SNPH: variants seen among roughly 807,000 people sequenced by gnomAD.
SNPH encodes syntaphilin.
A neutral mutation model predicts 36.8 loss-of-function variants in SNPH; 10 were observed. The observed-to-expected ratio is 0.27, with a 90% CI of 0.17 to 0.46. SNPH has a LOEUF of 0.46. Among genes scored for constraint, SNPH ranks in the 20% least tolerant of loss-of-function variants. SNPH has a pLI of 1.00. For synonymous variants in SNPH, 281 were observed against 312.2 expected, an observed-to-expected ratio of 0.90 and a Z score of 1.05; for missense variants, 622 against 744.0, an observed-to-expected ratio of 0.84 and a Z score of 1.91.
rs3038999 is a variant in SNPH, at chr20:1,298,804, TTGTGTGTGTG to T, written c.290+1584_290+1593del. On this transcript the variant is annotated intron_variant, in intron 5 of 6. Transcript: ENST00000381867. ...CGTCACAGCGTATTTTTTTTCTAAT[TTGTGTGTGTG>T]TGTGTGTGTGTGTGTGTGTGTGTGT... 8.8e-3 allele frequency among the ~76,000 whole-genome samples: 1,236 copies of T among 141,200 alleles called. 11 individuals carry two copies. The highest frequency in any genetic ancestry group is 0.018 in the African/African-American group (700 of 38,024). 92.6% of individuals were successfully genotyped at this position (141,200 alleles called of 152,430 possible). A position where few individuals can be genotyped will look rare whatever the true frequency, so the allele number is the denominator to read the frequency against.
In SNPH at chr20:1,304,662, G is replaced by C. The variant is rs1368465237; in HGVS notation, c.441-216G>C. 6.6e-6 allele frequency among the ~76,000 whole-genome samples: 1 copy of C among 152,034 alleles called. No individual in the cohort carries two copies. Among genetic ancestry groups the C allele is most frequent in the African/African-American group, 2.4e-5 (1 of 41,366 alleles). On this transcript the variant is annotated intron_variant, in intron 6 of 6. Coordinates refer to ENST00000381867, the MANE Select transcript of SNPH (RefSeq NM_001318234.2). The surrounding 1 kb of genome is among the most constrained non-coding windows in gnomAD (Gnocchi z 4.3). ...ACCTTTCTTCTCTCTCCAGGCAGAGGCTTCTCCTGTCTTCACCCCTCAGCC... is the reference window on the plus strand; with the variant it reads ...ACCTTTCTTCTCTCTCCAGGCAGAGCCTTCTCCTGTCTTCACCCCTCAGCC...
In SNPH at chr20:1,305,447, A is replaced by T; in HGVS notation, c.1010A>T (p.Tyr337Phe). 1 of 1,613,234 alleles carries T rather than the reference A, an allele frequency of 6.2e-7. No homozygotes were observed. The highest frequency in any genetic ancestry group is 1.7e-5 in the Admixed American group (1 of 60,030). Residue 337 changes from tyrosine to phenylalanine, a missense_variant, in exon 7 of 7, where the codon TAT (tyrosine) becomes TTT (phenylalanine). Tyr to Phe is a conservative substitution (Grantham distance 22). This residue lies in a region of SNPH where 379 missense variants were observed against 427.9 expected (regional missense o/e 0.89). Transcript: ENST00000381867. ...CCCCGCTTCCCTGCCAGCAACACCT[A>T]TGAGAAGCTGCTGTGTGGCATGGAG... Reference protein sequence around the residue: ...LGPRFPASNTYEKLLCGMEAG... With the variant: ...LGPRFPASNTFEKLLCGMEAG...
intron 5 of SNPH, among the ~76,000 whole-genome samples, chr20:1,299,814 G>A (rs1159685832): frequency 6.6e-6 from 1 of 152,254 alleles, no homozygotes; most frequent in East Asian, 1.9e-4. Context: ...TGGGCATGCA[G>A]GTGTGAATGG....
At chr20:1,273,020 C>T (rs554902069) in intron 2 of SNPH, among the ~76,000 whole-genome samples, 10 of 152,348 alleles carry the variant, frequency 6.6e-5, no homozygotes, top group African/African-American at 2.4e-4. Flanking sequence ...CAGAAGCCAC[C>T]TTTGAGAAAG....
At position 1,266,627 on chromosome 20, in the gene SNPH, G is replaced by A; in HGVS notation, c.-599-27G>A. Reference sequence around the variant, plus strand: ...TCCCCGCCCGCGCTCACCCGCCCCGGTCTATCTCTTTTTCCTAACCCCGCA... The same window carrying A: ...TCCCCGCCCGCGCTCACCCGCCCCGATCTATCTCTTTTTCCTAACCCCGCA... On this transcript the variant is annotated intron_variant, in intron 1 of 6. Coordinates refer to ENST00000381867, the MANE Select transcript of SNPH (RefSeq NM_001318234.2). The surrounding 1 kb of genome is among the most constrained non-coding windows in gnomAD (Gnocchi z 6.0). The A allele has an allele frequency of 6.7e-7, 1 of 1,482,776 alleles. No individual in the cohort carries two copies. The allele number at this position is 1,482,776 out of a possible 1,614,324, so 91.9% of individuals were successfully genotyped here.
intron 2 of SNPH, among the ~76,000 whole-genome samples, chr20:1,279,468 A>C (rs998078590): frequency 6.6e-6 from 1 of 152,204 alleles, no homozygotes; most frequent in Non-Finnish European, 1.5e-5. Flanking sequence ...TCTGGATATA[A>C]GTTCTTTGTT....
chr20:1,293,730 C>T (rs561421353), intron 2 of SNPH, among the ~76,000 whole-genome samples: 1 of 152,280 alleles, frequency 6.6e-6, no homozygotes, highest in Non-Finnish European at 1.5e-5. Flanking sequence ...CTCTGGGTGC[C>T]CAGGAGACTG....
chr20:1,280,970 C>T (rs1258912218), intron 2 of SNPH, among the ~76,000 whole-genome samples: 1 of 152,192 alleles, frequency 6.6e-6, no homozygotes, highest in African/African-American at 2.4e-5. Context: ...TCACAACTCA[C>T]AGGCCAGAAC....
chr20:1,305,902 C>T lies in SNPH; in HGVS notation c.1465C>T (p.Arg489Cys), dbSNP rs745851902. The T allele has an allele frequency of 4.4e-6, 7 of 1,597,468 alleles. No homozygotes were observed. The highest frequency in any genetic ancestry group is 3.4e-5 in the South Asian group (3 of 89,048). Residue 489 changes from arginine to cysteine, a missense_variant, in exon 7 of 7, where the codon CGC becomes TGC. Arg to Cys is a radical substitution (Grantham distance 180). This residue lies in a region of SNPH where 379 missense variants were observed against 427.9 expected (regional missense o/e 0.89). Coordinates refer to ENST00000381867, the MANE Select transcript of SNPH (RefSeq NM_001318234.2). ...PAVPTVAWLC[R>C]SQRRQGQPIY... The stretch of plus-strand genomic sequence containing the variant: ...CGTGCCCACGGTGGCCTGGCTTTGC[C>T]GCTCCCAGCGGCGCCAGGGCCAGCC...
intron 2 of SNPH, among the ~76,000 whole-genome samples, chr20:1,292,253 T>C (rs1042142430): frequency 2.0e-5 from 3 of 151,924 alleles, no homozygotes; most frequent in Middle Eastern, 3.4e-3. Flanking sequence ...AAAGAAAGAG[T>C]GCAATGTATG....
At chr20:1,286,089 TAAAAAAA>T (rs11475556) in intron 2 of SNPH, among the ~76,000 whole-genome samples, 13 of 100,516 alleles carry the variant, frequency 1.3e-4, no homozygotes, top group African/African-American at 1.5e-4. Context: ...GACTCCATCT[TAAAAAAA>T]AAAAAAAAAA....
chr20:1,296,374 G>A lies in SNPH; in HGVS notation c.135G>A (p.Met45Ile), dbSNP rs1189104456. Reference sequence around the variant, plus strand: ...CCCTTACTCGGACCCACAGCCTCATGGCCATGTCCCTGCCAGGAAGTAGAC... The same window carrying A: ...CCCTTACTCGGACCCACAGCCTCATAGCCATGTCCCTGCCAGGAAGTAGAC... ...IPPLTRTHSL[M>I]AMSLPGSRRT... The change falls in exon 4 of 7, where the codon ATG becomes ATA. Residue 45 changes from methionine to isoleucine, a missense_variant. By Grantham distance (10) the Met-to-Ile change is conservative. This residue lies in a region of SNPH where 187 missense variants were observed against 209.4 expected (regional missense o/e 0.89). Transcript: ENST00000381867. 2 of 1,604,196 alleles carry A rather than the reference G, an allele frequency of 1.2e-6. No homozygotes were observed. The highest frequency in any genetic ancestry group is 1.7e-6 in the Non-Finnish European group (2 of 1,175,506).
At chr20:1,301,369 C>A (rs1277378837) in intron 6 of SNPH, among the ~76,000 whole-genome samples, 1 of 152,190 alleles carries the variant, frequency 6.6e-6, no homozygotes, top group Non-Finnish European at 1.5e-5. Context: ...TTCAGGGCGT[C>A]GATCTCCCAT....
intron 2 of SNPH, among the ~76,000 whole-genome samples, chr20:1,288,850 G>A (rs2088316167): frequency 1.3e-5 from 2 of 152,070 alleles, no homozygotes; most frequent in South Asian, 4.2e-4. Context: ...TTGAAATCCT[G>A]ACCTCAGGTG....
At chr20:1,286,459 T>C (rs574481257) in intron 2 of SNPH, among the ~76,000 whole-genome samples, 2 of 152,268 alleles carry the variant, frequency 1.3e-5, no homozygotes, top group East Asian at 1.9e-4. Flanking sequence ...TGCTGTGAGA[T>C]AGGCTCCTGG....
At position 1,305,903 on chromosome 20, in the gene SNPH, G is replaced by A. The variant is rs567143836; in HGVS notation, c.1466G>A (p.Arg489His). ...PAVPTVAWLC[R>H]SQRRQGQPIY... ...GTGCCCACGGTGGCCTGGCTTTGCC[G>A]CTCCCAGCGGCGCCAGGGCCAGCCC... Residue 489 changes from arginine to histidine, a missense_variant, in exon 7 of 7, where the codon CGC becomes CAC. Arg to His is a conservative substitution (Grantham distance 29, BLOSUM62 0). Transcript: ENST00000381867. 7.5e-5 allele frequency: 120 copies of A among 1,596,352 alleles called. No homozygotes were observed. Among genetic ancestry groups the A allele is most frequent in the East Asian group, 3.4e-4 (15 of 44,128 alleles).
rs116022443 is a variant in SNPH, at chr20:1,294,360, T to C, written c.-492-591T>C. Among the ~76,000 whole-genome samples, 527 of 152,202 alleles carry C rather than the reference T, an allele frequency of 3.5e-3. 6 individuals carry two copies. Among genetic ancestry groups the C allele is most frequent in the African/African-American group, 0.012 (511 of 41,552 alleles). ...CCTAAGCTGTTCCTGGTCAAGATCC[T>C]CCTGTGCCCAGGAGGCAGTGAGCCA... On this transcript the variant is annotated intron_variant, in intron 2 of 6. Coordinates refer to ENST00000381867, the MANE Select transcript of SNPH (RefSeq NM_001318234.2). The surrounding 1 kb of genome is among the most constrained non-coding windows in gnomAD (Gnocchi z 4.4).
At chr20:1,275,390 C>T (rs747063862) in intron 2 of SNPH, among the ~76,000 whole-genome samples, 3 of 152,212 alleles carry the variant, frequency 2.0e-5, no homozygotes, top group Non-Finnish European at 4.4e-5. Context: ...GCTTTTCTGA[C>T]CCTCTAAGTC....
Position 1,305,460 on chromosome 20 carries a change from G to T in SNPH, c.1023G>T (p.Leu341=). 6.2e-7 allele frequency: 1 copy of T among 1,613,302 alleles called. No individual in the cohort carries two copies. The highest frequency in any genetic ancestry group is 8.5e-7 in the Non-Finnish European group (1 of 1,180,052). The change falls in exon 7 of 7, where the codon CTG becomes CTT. Residue 341 remains leucine, a synonymous_variant. Transcript: ENST00000381867. ...FPASNTYEKL[L]CGMEAGVQAS... ...CCAGCAACACCTATGAGAAGCTGCT[G>T]TGTGGCATGGAGGCTGGTGTGCAGG...
Sources: gnomAD v4.1 joint callset for allele counts (sites outside exome capture counted in the v4.1 genomes callset) on GRCh38, gnomAD v4.1.1 for gene constraint, gnomAD v4.1.1 regional missense constraint, Gnocchi (gnomAD v3.1) non-coding constraint, MANE v1.5 for transcripts, NCBI Gene and HGNC (gene_info 2026-07-23, HGNC 2026-07-21) for gene names.